ADAM32: variants seen among roughly 807,000 people sequenced by gnomAD.
ADAM32 encodes ADAM metallopeptidase domain 32.
In ADAM32, 89 loss-of-function variants were observed where a neutral mutation model predicts 114.9. That is an observed-to-expected ratio of 0.77 (90% CI 0.65 to 0.92). The LOEUF (loss-of-function observed/expected upper bound fraction) is 0.92. ADAM32 is among the 40% of genes least tolerant of loss of function. The probability of loss-of-function intolerance (pLI) is 0.00; values close to 1 mark genes in which losing one functional copy is unlikely to be tolerated. For synonymous variants in ADAM32, 285 were observed against 307.5 expected (o/e 0.93, Z 0.77); for missense variants, 870 against 932.8 (o/e 0.93, Z 0.88).
At chr8:39,253,044 A>C (rs1811403735) in intron 17 of ADAM32, among the ~76,000 whole-genome samples, 1 of 151,692 alleles carries the variant, frequency 6.6e-6, no homozygotes, top group Non-Finnish European at 1.5e-5. Context: ...GCATGCAAAA[A>C]TTTACAGCAA....
intron 2 of ADAM32, chr8:39,131,989 G>A: frequency 3.1e-6 from 1 of 326,322 alleles, no homozygotes; most frequent in Non-Finnish European, 6.4e-6. Context: ...CGTCTCCCGG[G>A]TTCAAACGAT....
At chr8:39,123,903 C>T (rs887233603) in intron 2 of ADAM32, among the ~76,000 whole-genome samples, 11 of 151,832 alleles carry the variant, frequency 7.2e-5, no homozygotes, top group South Asian at 2.1e-4. Flanking sequence ...GACGGGGTTT[C>T]GCCATGTTGG....
intron 10 of ADAM32, among the ~76,000 whole-genome samples, chr8:39,180,143 C>T (rs779014421): frequency 6.6e-6 from 1 of 152,198 alleles, no homozygotes; most frequent in Admixed American, 6.5e-5. Flanking sequence ...ACTGGGGCTG[C>T]GCGCAGCGCT....
intron 16 of ADAM32, among the ~76,000 whole-genome samples, chr8:39,237,056 T>G (rs1214127630): frequency 6.6e-6 from 1 of 152,164 alleles, no homozygotes; most frequent in African/African-American, 2.4e-5. Flanking sequence ...TGGGGGAAAG[T>G]CTGGCTCTGG....
At chr8:39,109,862 C>T (rs542146041) in intron 1 of ADAM32, among the ~76,000 whole-genome samples, 8 of 152,312 alleles carry the variant, frequency 5.3e-5, no homozygotes, top group African/African-American at 1.2e-4. Flanking sequence ...TTTCACTGCC[C>T]TACAAATCCC....
intron 11 of ADAM32, among the ~76,000 whole-genome samples, chr8:39,206,835 A>G (rs950794187): frequency 2.6e-5 from 4 of 152,020 alleles, no homozygotes; most frequent in African/African-American, 9.7e-5. Context: ...GATTCAGTTC[A>G]GGATCTGAAC....
intron 17 of ADAM32, among the ~76,000 whole-genome samples, chr8:39,248,479 A>G (rs966824179): frequency 6.6e-6 from 1 of 152,030 alleles, no homozygotes; most frequent in Non-Finnish European, 1.5e-5. Context: ...CTTTAATTTC[A>G]AGTTTCATTT....
At chr8:39,210,840 C>G (rs1808157269) in intron 11 of ADAM32, among the ~76,000 whole-genome samples, 1 of 151,790 alleles carries the variant, frequency 6.6e-6, no homozygotes, top group Non-Finnish European at 1.5e-5. Context: ...GATGTCTGTC[C>G]AAATCTGGGT....
chr8:39,283,565 GTTATTTCC>G lies in ADAM32; in HGVS notation c.2319-9_2319-2del, dbSNP rs1813579700. On this transcript the variant is annotated splice_polypyrimidine_tract_variant and intron_variant, in intron 23 of 24. Coordinates refer to ENST00000379907, the MANE Select transcript of ADAM32 (RefSeq NM_145004.7). The stretch of plus-strand genomic sequence containing the variant: ...GGTTGTATTATATCAGCCTAAAAAT[GTTATTTCC>G]TTATTTCCTTAGATCCAAATCACAG... The G allele has an allele frequency of 2.5e-6, 4 of 1,575,424 alleles. No individual in the cohort carries two copies. Among genetic ancestry groups the G allele is most frequent in the South Asian group, 1.2e-5 (1 of 86,180 alleles).
At chr8:39,133,772 A>G (rs1802606438) in intron 2 of ADAM32, among the ~76,000 whole-genome samples, 1 of 152,172 alleles carries the variant, frequency 6.6e-6, no homozygotes, top group African/African-American at 2.4e-5. Context: ...CTGGCCAGAT[A>G]TCAGATCCCC....
chr8:39,228,696 A>C (rs557252741), intron 14 of ADAM32, among the ~76,000 whole-genome samples: 1 of 152,212 alleles, frequency 6.6e-6, no homozygotes, highest in Non-Finnish European at 1.5e-5. Context: ...TAAATGATCA[A>C]GCCTAAGAAT....
chr8:39,239,420 G>A (rs1810406533), intron 16 of ADAM32, among the ~76,000 whole-genome samples: 1 of 152,124 alleles, frequency 6.6e-6, no homozygotes, highest in Admixed American at 6.5e-5. Context: ...GCTAAAAAGA[G>A]TTCTAAATCT....
intron 7 of ADAM32, 139 bp downstream of exon 7, chr8:39,161,104 T>G (rs1804482603): frequency 1.3e-6 from 1 of 749,754 alleles, no homozygotes; most frequent in Non-Finnish European, 2.1e-6. Flanking sequence ...ATGTGCAAAC[T>G]GAGAAACTAA....
intron 1 of ADAM32, among the ~76,000 whole-genome samples, chr8:39,114,947 G>A (rs529929899): frequency 2.8e-4 from 42 of 152,252 alleles, no homozygotes; most frequent in Admixed American, 7.8e-4. Context: ...TTTAGCCTCC[G>A]CTCATAAGTG....
chr8:39,140,435 G>T (rs2129445158), intron 3 of ADAM32, among the ~76,000 whole-genome samples: 1 of 152,308 alleles, frequency 6.6e-6, no homozygotes, highest in South Asian at 2.1e-4. Flanking sequence ...CATTGGTTCT[G>T]TTTATGTGAT....
chr8:39,232,967 C>T (rs941683135), intron 15 of ADAM32, among the ~76,000 whole-genome samples: 3 of 152,052 alleles, frequency 2.0e-5, no homozygotes, highest in African/African-American at 7.2e-5. Context: ...ACAACTTTTT[C>T]ATCTTTCTTT....
At chr8:39,189,019 T>C (rs1473844573) in intron 11 of ADAM32, among the ~76,000 whole-genome samples, 3 of 152,146 alleles carry the variant, frequency 2.0e-5, no homozygotes, top group Non-Finnish European at 4.4e-5. Context: ...TTACTAGATA[T>C]ACAGTTAATT....
At chr8:39,249,367 C>A (rs1811143441) in intron 17 of ADAM32, among the ~76,000 whole-genome samples, 1 of 152,118 alleles carries the variant, frequency 6.6e-6, no homozygotes, top group Non-Finnish European at 1.5e-5. Context: ...GTGTATAATT[C>A]TTTTTATGCA....
chr8:39,221,623 C>G lies in ADAM32; in HGVS notation c.1247C>G (p.Ala416Gly). ...DCGTEAQCGPASCCDFRTCVL... is the reference protein window; with the variant it reads ...DCGTEAQCGPGSCCDFRTCVL... ...ACTAATTCATAGCAATGTGGACCTG[C>G]AAGCTGTTGTGATTTTCGAACTTGT... The change falls in exon 13 of 25, where the codon GCA (alanine) becomes GGA (glycine). Residue 416 changes from alanine to glycine, a missense_variant. Coordinates refer to ENST00000379907, the MANE Select transcript of ADAM32 (RefSeq NM_145004.7). The G allele has an allele frequency of 6.2e-7, 1 of 1,611,366 alleles. No individual in the cohort carries two copies. The highest frequency in any genetic ancestry group is 1.1e-5 in the South Asian group (1 of 90,792).
Sources: allele counts gnomAD v4.1 joint callset (sites outside exome capture counted in the v4.1 genomes callset), GRCh38; gene constraint gnomAD v4.1.1; transcripts MANE v1.5; gene names NCBI Gene and HGNC (gene_info 2026-07-23, HGNC 2026-07-21).